DOCK8: variants seen among roughly 807,000 people sequenced by gnomAD.
The protein encoded by DOCK8 is dedicator of cytokinesis protein 8.
DOCK8 carries 141 observed loss-of-function variants against 245.6 expected under a neutral mutation model. The observed-to-expected ratio is 0.57, with a 90% CI of 0.50 to 0.66. DOCK8 has a LOEUF of 0.66. DOCK8 is among the 30% of genes least tolerant of loss of function. The pLI is 0.00. For synonymous variants in DOCK8, 1,168 were observed against 970.2 expected (o/e 1.20, Z -3.79); for missense variants, 2,965 against 2,603.4 (o/e 1.14, Z -3.02).
At chr9:234,912 C>A (rs1361359913) in intron 1 of DOCK8, among the ~76,000 whole-genome samples, 1 of 152,186 alleles carries the variant, frequency 6.6e-6, no homozygotes, top group Non-Finnish European at 1.5e-5. Context: ...AAGTCATTCT[C>A]CATCCAGCTT....
At chr9:237,767 A>C (rs2047289318) in intron 1 of DOCK8, among the ~76,000 whole-genome samples, 1 of 152,222 alleles carries the variant, frequency 6.6e-6, no homozygotes, top group Admixed American at 6.5e-5. Flanking sequence ...CGGGTTGTTC[A>C]GCCAGTTTTT....
chr9:323,463 C>T (rs10970298), intron 7 of DOCK8, among the ~76,000 whole-genome samples: 3,680 of 152,084 alleles, frequency 0.024, 41 homozygotes, highest in Middle Eastern at 0.061. Flanking sequence ...CCTCATGATC[C>T]GCTTGCCTCG....
intron 19 of DOCK8, among the ~76,000 whole-genome samples, chr9:376,749 C>T (rs916025893): frequency 1.1e-4 from 17 of 152,114 alleles, no homozygotes; most frequent in Admixed American, 2.6e-4. Flanking sequence ...ATGTCAGAGC[C>T]AAAATTATTT....
intron 1 of DOCK8, among the ~76,000 whole-genome samples, chr9:261,672 C>T (rs768087155): frequency 7.2e-5 from 11 of 152,076 alleles, no homozygotes; most frequent in South Asian, 2.1e-4. Flanking sequence ...TTTTAATCTG[C>T]ATGATAGAAC....
chr9:436,789 T>C (rs1220950969), intron 39 of DOCK8, among the ~76,000 whole-genome samples: 1 of 152,242 alleles, frequency 6.6e-6, no homozygotes, highest in African/African-American at 2.4e-5. Context: ...TGAATACTTA[T>C]TCTGTCCTCA....
intron 14 of DOCK8, among the ~76,000 whole-genome samples, chr9:354,666 T>G (rs1023313324): frequency 7.2e-5 from 11 of 152,152 alleles, no homozygotes; most frequent in Non-Finnish European, 1.5e-5. Context: ...CTCACTCATG[T>G]GGCTGTTGGC....
chr9:264,226 A>G (rs894970784), intron 1 of DOCK8, among the ~76,000 whole-genome samples: 8 of 152,230 alleles, frequency 5.3e-5, no homozygotes, highest in Non-Finnish European at 1.2e-4. Context: ...ATGACATATA[A>G]AAGCTGGGGA....
At chr9:294,986 C>G (rs1430825205) in intron 4 of DOCK8, among the ~76,000 whole-genome samples, 1 of 152,032 alleles carries the variant, frequency 6.6e-6, no homozygotes, top group Non-Finnish European at 1.5e-5. Context: ...ATGGTGAAAC[C>G]CCGTCTCTAC....
At chr9:454,240 C>G (rs1333605079) in intron 46 of DOCK8, 1 of 152,090 alleles carries the variant, frequency 6.6e-6, no homozygotes. Flanking sequence ...CTTTCAGCTG[C>G]TTTAGTTACC....
rs2055346251 is a variant in DOCK8 at position 404,997 on chromosome 9, A to G, written c.3314A>G (p.His1105Arg). Residue 1105 changes from histidine (H) to arginine (R), a missense_variant, in exon 27 of 48, where the codon CAT (histidine) becomes CGT (arginine). By Grantham distance (29) the His-to-Arg change is conservative (BLOSUM62 0). This residue lies in a region of DOCK8 where 2,825 missense variants were observed against 2,453.5 expected (regional missense o/e 1.15). Transcript: ENST00000432829. ...CTGAGAATCCTCTGTAGCCATGAGC[A>G]TTACCTCAATCTGAACCTTTTTTTT... ...EFLRILCSHE[H>R]YLNLNLFFMN... The G allele has an allele frequency of 3.7e-6, 6 of 1,614,086 alleles. No individual in the cohort carries two copies. Among genetic ancestry groups the G allele is most frequent in the Non-Finnish European group, 5.1e-6 (6 of 1,179,966 alleles).
chr9:312,038 C>A lies in DOCK8; in HGVS notation c.613C>A (p.Gln205Lys). ...TACDFDLRSL[Q>K]PDKRLENLLQ... ...CTGTGACTTTGACCTCCGCAGCCTG[C>A]AGCCTGACAAGCGGCTAGAAAACCT... The change falls in exon 6 of 48, where the codon CAG (glutamine) becomes AAG (lysine). Residue 205 changes from glutamine (Q) to lysine (K), a missense_variant. Physicochemically the swap from Gln to Lys is moderately conservative, Grantham distance 53. Coordinates refer to ENST00000432829, the MANE Select transcript of DOCK8 (RefSeq NM_203447.4). The A allele has an allele frequency of 6.2e-7, 1 of 1,614,178 alleles. No homozygotes were observed. The highest frequency in any genetic ancestry group is 8.5e-7 in the Non-Finnish European group (1 of 1,180,030).
intron 14 of DOCK8, among the ~76,000 whole-genome samples, chr9:345,499 G>C (rs1045292313): frequency 2.6e-5 from 4 of 152,192 alleles, no homozygotes; most frequent in Admixed American, 1.3e-4. Context: ...TTCTGGCCTT[G>C]AGTGCCAGTG....
At chr9:376,159 A>G (rs1241498683) in intron 18 of DOCK8, 51 bp from the exon 19 acceptor site, 1 of 1,315,444 alleles carries the variant, frequency 7.6e-7, no homozygotes, top group South Asian at 1.2e-5. Context: ...CTTGTTAGTA[A>G]TCAGAAAAGG....
chr9:242,431 A>G (rs2047395956), intron 1 of DOCK8, among the ~76,000 whole-genome samples: 1 of 152,232 alleles, frequency 6.6e-6, no homozygotes, highest in South Asian at 2.1e-4. Context: ...AAAACCAGTG[A>G]TACATGTCTT....
At chr9:450,201 G>T (rs779668144) in intron 45 of DOCK8, among the ~76,000 whole-genome samples, 1 of 152,112 alleles carries the variant, frequency 6.6e-6, no homozygotes, top group African/African-American at 2.4e-5. Context: ...TCCACTTCGG[G>T]GCCAGACCTG....
At chr9:460,910 T>C (rs2057783908) in intron 46 of DOCK8, among the ~76,000 whole-genome samples, 2 of 152,264 alleles carry the variant, frequency 1.3e-5, no homozygotes, top group Admixed American at 6.5e-5. Flanking sequence ...GTAAGCCATA[T>C]TGATCACCCA....
chr9:360,678 A>T (rs1282687187), intron 14 of DOCK8, among the ~76,000 whole-genome samples: 1 of 152,182 alleles, frequency 6.6e-6, no homozygotes, highest in African/African-American at 2.4e-5. Flanking sequence ...CTGGAATCTC[A>T]GACATTTTTG....
At chr9:244,322 A>T (rs986257620) in intron 1 of DOCK8, among the ~76,000 whole-genome samples, 7 of 151,852 alleles carry the variant, frequency 4.6e-5, no homozygotes, top group African/African-American at 1.7e-4. Flanking sequence ...AAACGAAACC[A>T]TATCCAACTT....
intron 35 of DOCK8, among the ~76,000 whole-genome samples, chr9:429,090 C>T (rs1209142144): frequency 6.6e-6 from 1 of 152,222 alleles, no homozygotes; most frequent in Non-Finnish European, 1.5e-5. Context: ...GCCTCAGCCT[C>T]CTGAGTATTG....
Sources: allele counts gnomAD v4.1 joint callset (sites outside exome capture counted in the v4.1 genomes callset), GRCh38; gene constraint gnomAD v4.1.1; regional missense constraint gnomAD v4.1.1; transcripts MANE v1.5; gene names NCBI Gene and HGNC (gene_info 2026-07-23, HGNC 2026-07-21).